Variants in GRID1 observed in about 807,000 individuals in gnomAD.
GRID1 encodes the protein glutamate ionotropic receptor delta type subunit 1, also known as glutamate receptor ionotropic, delta-1.
GRID1 carries 28 observed loss-of-function variants against 98.0 expected under a neutral mutation model. The observed-to-expected ratio is 0.29, with a 90% CI of 0.21 to 0.39. The LOEUF is 0.39. Among genes scored for constraint, GRID1 ranks in the 10% least tolerant of loss-of-function variants. GRID1 has a pLI of 1.00. For missense variants in GRID1, 1,111 were observed against 1,340.5 expected (o/e 0.83, Z 2.67); for synonymous variants, 553 against 538.5 (o/e 1.03, Z -0.37).
chr10:86,065,548 T>C (rs926274672), intron 4 of GRID1, among the ~76,000 whole-genome samples: 3 of 152,236 alleles, frequency 2.0e-5, no homozygotes, highest in African/African-American at 7.2e-5. Flanking sequence ...TCTTTACCTG[T>C]CTATTTCCTA....
At chr10:86,322,524 C>T (rs1166593297) in intron 2 of GRID1, among the ~76,000 whole-genome samples, 1 of 151,858 alleles carries the variant, frequency 6.6e-6, no homozygotes, top group Non-Finnish European at 1.5e-5. Flanking sequence ...GATTCTCCTG[C>T]CTCAGCCTCC....
chr10:86,129,875 G>A (rs1436827915), intron 4 of GRID1, among the ~76,000 whole-genome samples: 2 of 152,228 alleles, frequency 1.3e-5, no homozygotes, highest in Non-Finnish European at 2.9e-5. Flanking sequence ...TGCCTGTTGA[G>A]CTGACTTCAT....
chr10:85,918,652 T>C (rs1841654955), intron 4 of GRID1, among the ~76,000 whole-genome samples: 1 of 152,242 alleles, frequency 6.6e-6, no homozygotes, highest in African/African-American at 2.4e-5. Flanking sequence ...AATTGCTCTA[T>C]GCATCCTCTG....
chr10:86,185,901 T>C (rs1007756007), intron 3 of GRID1, among the ~76,000 whole-genome samples: 33 of 152,222 alleles, frequency 2.2e-4, no homozygotes, highest in African/African-American at 8.0e-4. Flanking sequence ...TGTCACGTTT[T>C]GGTCAGTTTT....
At chr10:85,878,339 T>C (rs1220484949) in intron 5 of GRID1, among the ~76,000 whole-genome samples, 1 of 151,726 alleles carries the variant, frequency 6.6e-6, no homozygotes, top group African/African-American at 2.4e-5. Flanking sequence ...AAAGTTGAAA[T>C]GAAGGAAAAA....
At chr10:86,137,316 C>T (rs760961715) in intron 4 of GRID1, among the ~76,000 whole-genome samples, 31 of 152,338 alleles carry the variant, frequency 2.0e-4, no homozygotes, top group Admixed American at 5.9e-4. Context: ...GAGGCTAAGA[C>T]GGTGATGCAA....
intron 2 of GRID1, among the ~76,000 whole-genome samples, chr10:86,343,750 C>A (rs542349120): frequency 6.6e-6 from 1 of 152,304 alleles, no homozygotes; most frequent in Admixed American, 6.5e-5. Flanking sequence ...ACCATGGCAC[C>A]CTGTGTCTGA....
At chr10:86,248,422 T>C (rs1351909544) in intron 2 of GRID1, among the ~76,000 whole-genome samples, 1 of 152,120 alleles carries the variant, frequency 6.6e-6, no homozygotes, top group African/African-American at 2.4e-5. Context: ...AATAATATAT[T>C]ATCAATCAAC....
At chr10:86,328,365 T>C (rs7074445) in intron 2 of GRID1, among the ~76,000 whole-genome samples, 11,153 of 152,286 alleles carry the variant, frequency 0.073, 822 homozygotes, top group African/African-American at 0.19. Flanking sequence ...GAGATGTGTT[T>C]GTGTATTATT....
intron 13 of GRID1, among the ~76,000 whole-genome samples, chr10:85,629,173 T>C (rs1005423218): frequency 6.6e-6 from 1 of 152,264 alleles, no homozygotes; most frequent in Non-Finnish European, 1.5e-5. Flanking sequence ...AGAATGAGAG[T>C]AATTTTGCAT....
At position 85,602,233 on chromosome 10, in the gene GRID1, CGGGTG is replaced by C. The variant is rs756878959; in HGVS notation, c.*35_*39del. 3.3e-6 allele frequency: 3 copies of C among 909,574 alleles called. No homozygotes were observed. The Admixed American group carries it at 1.9e-4, about 57-fold the overall frequency. The allele number at this position is 909,574 out of a possible 1,614,324, so 56.3% of individuals were successfully genotyped here. ...TCTTGTATTAAAAAGCTCTGCTGGT[CGGGTG>C]GGTGGGAGGGTGGGCAGGAGGGCAG... On this transcript the variant is annotated 3_prime_UTR_variant, in exon 16 of 16. Transcript: ENST00000327946.
At chr10:85,716,093 G>T (rs1306457239) in intron 12 of GRID1, among the ~76,000 whole-genome samples, 1 of 152,000 alleles carries the variant, frequency 6.6e-6, no homozygotes, top group Non-Finnish European at 1.5e-5. Flanking sequence ...TTTTACTAGA[G>T]ACTGGGTTTC....
At chr10:85,867,671 G>A (rs1051346451) in intron 6 of GRID1, among the ~76,000 whole-genome samples, 6 of 152,170 alleles carry the variant, frequency 3.9e-5, no homozygotes, top group African/African-American at 7.2e-5. Flanking sequence ...ACTCTGACTC[G>A]GGTGTCCAGG....
chr10:86,245,035 C>T (rs1284951502), intron 2 of GRID1, among the ~76,000 whole-genome samples: 2 of 152,218 alleles, frequency 1.3e-5, no homozygotes, highest in African/African-American at 4.8e-5. Flanking sequence ...AGACCCCTGT[C>T]GCACTGATTC....
At chr10:85,694,924 T>C (rs901611136) in intron 12 of GRID1, among the ~76,000 whole-genome samples, 1 of 151,954 alleles carries the variant, frequency 6.6e-6, no homozygotes, top group African/African-American at 2.4e-5. Flanking sequence ...AAGATAGCCA[T>C]GTAACAAAGC....
At chr10:86,189,053 G>C (rs1306677511) in intron 3 of GRID1, among the ~76,000 whole-genome samples, 1 of 152,098 alleles carries the variant, frequency 6.6e-6, no homozygotes, top group Non-Finnish European at 1.5e-5. Flanking sequence ...ACCATCCAAA[G>C]CCACTTCCCT....
Position 86,366,291 on chromosome 10 carries a change from G to A in GRID1, c.79+23C>T, listed in dbSNP as rs764458576. 1.4e-6 allele frequency: 2 copies of A among 1,473,802 alleles called. No homozygotes were observed. Among genetic ancestry groups the A allele is most frequent in the South Asian group, 1.3e-5 (1 of 79,272 alleles). 91.3% of individuals were successfully genotyped at this position (1,473,802 alleles called of 1,614,324 possible). ...CCGTTGGGGCCCCCGCCCAGCCTCGGCCCGGCCTCCAGCCGCGCTTACCGA... is the reference window on the plus strand; with the variant it reads ...CCGTTGGGGCCCCCGCCCAGCCTCGACCCGGCCTCCAGCCGCGCTTACCGA... On this transcript the variant is annotated intron_variant, in intron 1 of 15. Coordinates refer to ENST00000327946, the MANE Select transcript of GRID1 (RefSeq NM_017551.3). The surrounding 1 kb of genome is among the most constrained non-coding windows in gnomAD (Gnocchi z 4.1).
chr10:86,011,386 C>T (rs1186612286), intron 4 of GRID1, among the ~76,000 whole-genome samples: 2 of 151,988 alleles, frequency 1.3e-5, no homozygotes, highest in Admixed American at 6.6e-5. Context: ...ATAATAAATG[C>T]TCATTAAATA....
chr10:85,965,802 T>A (rs919790791), intron 4 of GRID1, among the ~76,000 whole-genome samples: 1 of 151,936 alleles, frequency 6.6e-6, no homozygotes, highest in African/African-American at 2.4e-5. Context: ...AAAAACTTTC[T>A]CACAACCCTA....
Sources: gnomAD v4.1 joint callset for allele counts (sites outside exome capture counted in the v4.1 genomes callset) on GRCh38, gnomAD v4.1.1 for gene constraint, Gnocchi (gnomAD v3.1) non-coding constraint, MANE v1.5 for transcripts, NCBI Gene and HGNC (gene_info 2026-07-23, HGNC 2026-07-21) for gene names.